Variants in NAV3 observed in about 807,000 individuals in gnomAD.
NAV3 encodes the protein pore membrane and/or filament interacting like protein 1.
In NAV3, 87 loss-of-function variants were observed where a neutral mutation model predicts 244.7. That is an observed-to-expected ratio of 0.36 (90% confidence interval 0.30 to 0.42). The LOEUF (loss-of-function observed/expected upper bound fraction) is 0.42, where lower values mean the gene tolerates loss of function less well. Ranked by LOEUF, NAV3 falls within the 20% of genes least tolerant of loss-of-function variation. The probability of loss-of-function intolerance (pLI) is 1.00; values close to 1 mark genes in which losing one functional copy is unlikely to be tolerated. For missense variants in NAV3, 2,663 were observed against 2,893.3 expected (o/e 0.92, Z 1.83); for synonymous variants, 1,126 against 1,042.2 (o/e 1.08, Z -1.55).
intron 2 of NAV3, among the ~76,000 whole-genome samples, chr12:77,773,737 A>G (rs1870215441): frequency 6.6e-6 from 1 of 152,214 alleles, no homozygotes; most frequent in African/African-American, 2.4e-5. Flanking sequence ...ATGTATTTTG[A>G]CAACTTTATA....
At chr12:78,186,276 A>T (rs1286024874) in intron 31 of NAV3, among the ~76,000 whole-genome samples, 1 of 151,980 alleles carries the variant, frequency 6.6e-6, no homozygotes, top group Admixed American at 6.6e-5. Context: ...TTAAAACAAC[A>T]ACAAAAACAA....
At chr12:77,884,995 T>C (rs1475691056) in intron 1 of NAV3, among the ~76,000 whole-genome samples, 4 of 152,170 alleles carry the variant, frequency 2.6e-5, no homozygotes. Flanking sequence ...CAATGATGGA[T>C]GGAGCATTTC....
At chr12:77,700,917 CTT>C (rs1565778001) in intron 2 of NAV3, among the ~76,000 whole-genome samples, 1 of 101,292 alleles carries the variant, frequency 9.9e-6, no homozygotes, top group East Asian at 3.4e-4. Flanking sequence ...ACTATGAACT[CTT>C]TTATATTATA....
At chr12:77,662,255 A>G (rs59329372) in intron 2 of NAV3, among the ~76,000 whole-genome samples, 1 of 151,336 alleles carries the variant, frequency 6.6e-6, no homozygotes, top group South Asian at 2.1e-4. Context: ...CTATCTATCT[A>G]TCTATCTATA....
At chr12:77,901,021 T>A (rs1256743127) in intron 1 of NAV3, among the ~76,000 whole-genome samples, 1 of 152,206 alleles carries the variant, frequency 6.6e-6, no homozygotes, top group Non-Finnish European at 1.5e-5. Context: ...TGGCCCCTTG[T>A]ATGTCCATTT....
intron 23 of NAV3, among the ~76,000 whole-genome samples, chr12:78,161,281 T>C (rs891040500): frequency 2.6e-5 from 4 of 152,228 alleles, no homozygotes; most frequent in Admixed American, 2.0e-4. Context: ...CCAAAAAATA[T>C]TACCTTCCTT....
intron 29 of NAV3, among the ~76,000 whole-genome samples, chr12:78,179,962 G>A (rs756773712): frequency 7.2e-5 from 11 of 152,066 alleles, no homozygotes; most frequent in African/African-American, 4.8e-5. Flanking sequence ...TTTTAGAGAA[G>A]CTACTACAAT....
chr12:78,049,535 G>T (rs1882411880), intron 9 of NAV3, among the ~76,000 whole-genome samples: 1 of 152,172 alleles, frequency 6.6e-6, no homozygotes, highest in Non-Finnish European at 1.5e-5. Flanking sequence ...TCTGTGGGCT[G>T]CACCCACTGT....
At chr12:77,908,716 G>A (rs1010190478) in intron 1 of NAV3, among the ~76,000 whole-genome samples, 1 of 151,794 alleles carries the variant, frequency 6.6e-6, no homozygotes, top group African/African-American at 2.4e-5. Flanking sequence ...TTTTTTCACT[G>A]CTTTACTATT....
chr12:77,576,466 A>G (rs868234543), intron 2 of NAV3, among the ~76,000 whole-genome samples: 2 of 152,120 alleles, frequency 1.3e-5, no homozygotes, highest in African/African-American at 4.8e-5. Context: ...GGTTACTTTA[A>G]TAATTTTCCT....
At chr12:77,816,683 C>A (rs1416995729) in intron 2 of NAV3, among the ~76,000 whole-genome samples, 1 of 152,118 alleles carries the variant, frequency 6.6e-6, no homozygotes, top group East Asian at 1.9e-4. Context: ...ATGTGTTGTG[C>A]CATTTACCTC....
chr12:77,969,266 C>T (rs1218307658), intron 5 of NAV3, among the ~76,000 whole-genome samples: 1 of 151,768 alleles, frequency 6.6e-6, no homozygotes, highest in African/African-American at 2.4e-5. Flanking sequence ...GTGGAGTGCT[C>T]CCAAATCATG....
chr12:77,863,085 T>TA (rs1459942622), intron 1 of NAV3, among the ~76,000 whole-genome samples: 1 of 151,884 alleles, frequency 6.6e-6, no homozygotes, highest in Non-Finnish European at 1.5e-5. Context: ...TTTGATGTCT[T>TA]AAAAATCTTT....
At chr12:77,817,310 C>T (rs1444573215) in intron 2 of NAV3, among the ~76,000 whole-genome samples, 2 of 152,172 alleles carry the variant, frequency 1.3e-5, no homozygotes, top group African/African-American at 4.8e-5. Flanking sequence ...GTAAGATTCA[C>T]TTGTAATTTT....
intron 2 of NAV3, among the ~76,000 whole-genome samples, chr12:77,733,062 G>T (rs1208861121): frequency 6.6e-6 from 1 of 151,898 alleles, no homozygotes; most frequent in East Asian, 1.9e-4. Context: ...TAATATGATT[G>T]ATTTTTTTTC....
chr12:77,801,151 A>C lies in NAV3; in HGVS notation c.73-139168A>C, dbSNP rs113503993. Among the ~76,000 whole-genome samples, 354 of 152,270 alleles carry C rather than the reference A, an allele frequency of 2.3e-3. 3 individuals are homozygous for C. Among genetic ancestry groups the C allele is most frequent in the African/African-American group, 8.3e-3 (343 of 41,560 alleles). Reference sequence around the variant, plus strand: ...ACCTTATATGATAATGATAAGCTGTATCAAAGTGTGGTGGTGAGGGTTCAA... The same window carrying C: ...ACCTTATATGATAATGATAAGCTGTCTCAAAGTGTGGTGGTGAGGGTTCAA... On this transcript the variant is annotated intron_variant, in intron 2 of 8. Coordinates refer to the NAV3 transcript ENST00000550042.
intron 12 of NAV3, among the ~76,000 whole-genome samples, chr12:78,076,357 C>T (rs1361213401): frequency 6.6e-6 from 1 of 152,148 alleles, no homozygotes; most frequent in Non-Finnish European, 1.5e-5. Flanking sequence ...AGACTCAGTG[C>T]TCTTTCTCTG....
intron 1 of NAV3, among the ~76,000 whole-genome samples, chr12:77,856,948 A>T (rs1878481905): frequency 1.3e-5 from 2 of 152,144 alleles, no homozygotes; most frequent in African/African-American, 4.8e-5. Context: ...AATTTTTTAG[A>T]TTTCATTTAG....
At chr12:77,690,128 C>T (rs144629091) in intron 2 of NAV3, among the ~76,000 whole-genome samples, 16 of 151,888 alleles carry the variant, frequency 1.1e-4, no homozygotes, top group African/African-American at 2.6e-4. Flanking sequence ...GAGTAATCTA[C>T]GGTGCCTGAA....
Sources: gnomAD v4.1 joint callset for allele counts (sites outside exome capture counted in the v4.1 genomes callset) on GRCh38, gnomAD v4.1.1 for gene constraint, MANE v1.5 for transcripts, NCBI Gene and HGNC (gene_info 2026-07-23, HGNC 2026-07-21) for gene names.